PPP6R2: variants seen among roughly 807,000 people sequenced by gnomAD.
The protein encoded by PPP6R2 is protein phosphatase 6 regulatory subunit 2.
In PPP6R2, 62 loss-of-function variants were observed where a neutral mutation model predicts 100.2. The observed-to-expected ratio is 0.62, with a 90% CI of 0.50 to 0.76. The LOEUF is 0.76. Among genes scored for constraint, PPP6R2 ranks in the 30% least tolerant of loss-of-function variants. The pLI is 0.00. For synonymous variants in PPP6R2, 525 were observed against 514.7 expected, an observed-to-expected ratio of 1.02 and a Z score of -0.27; for missense variants, 1,142 against 1,276.3, an observed-to-expected ratio of 0.89 and a Z score of 1.60.
intron 2 of PPP6R2, among the ~76,000 whole-genome samples, chr22:50,392,407 C>T (rs2055809084): frequency 6.6e-6 from 1 of 152,064 alleles, no homozygotes; most frequent in African/African-American, 2.4e-5. Context: ...TATATGGAGT[C>T]CCTTGTGCTG....
At chr22:50,416,410 C>T (rs2147569152) in intron 6 of PPP6R2, among the ~76,000 whole-genome samples, 1 of 151,632 alleles carries the variant, frequency 6.6e-6, no homozygotes, top group South Asian at 2.1e-4. Context: ...CTCACCACAA[C>T]CTCCGCCTCT....
intron 7 of PPP6R2, 36 bp from the exon 8 acceptor site, chr22:50,419,313 C>T (rs2147695914): frequency 6.4e-7 from 1 of 1,562,232 alleles, no homozygotes; most frequent in Non-Finnish European, 8.8e-7. Context: ...TGTGTGTCTG[C>T]TCTGCCAGGC....
the PPP6R2 span, among the ~76,000 whole-genome samples, chr22:50,337,911 AGT>A: frequency 3.7e-4 from 23 of 61,760 alleles, no homozygotes; most frequent in East Asian, 1.1e-3. Context: ...TGTGTGGTGT[AGT>A]GTGTGTGGTG....
intron 1 of PPP6R2, among the ~76,000 whole-genome samples, chr22:50,367,208 C>T (rs542634841): frequency 5.9e-5 from 9 of 151,924 alleles, no homozygotes; most frequent in South Asian, 4.2e-4. Flanking sequence ...GAGCGGGGGA[C>T]GCCTGGATAG....
At chr22:50,386,432 C>T (rs1325791907) in intron 2 of PPP6R2, among the ~76,000 whole-genome samples, 3 of 152,170 alleles carry the variant, frequency 2.0e-5, no homozygotes, top group Admixed American at 6.6e-5. Context: ...TGAGCCACTA[C>T]GCCCGGCCTT....
chr22:50,410,115 A>G (rs952096143), intron 4 of PPP6R2, among the ~76,000 whole-genome samples: 2 of 152,014 alleles, frequency 1.3e-5, no homozygotes, highest in African/African-American at 4.8e-5. Context: ...AGCAAATTTT[A>G]GAATGAGTTT....
intron 1 of PPP6R2, among the ~76,000 whole-genome samples, chr22:50,350,918 G>A (rs2044967269): frequency 6.6e-6 from 1 of 150,780 alleles, no homozygotes; most frequent in African/African-American, 2.4e-5. Context: ...GACAACATTA[G>A]TCTCCTTGTA....
chr22:50,426,342 G>C (rs1043865779), intron 10 of PPP6R2, among the ~76,000 whole-genome samples: 1 of 152,038 alleles, frequency 6.6e-6, no homozygotes, highest in African/African-American at 2.4e-5. Flanking sequence ...CTGTGCTTTC[G>C]GTGTCATATC....
At chr22:50,424,538 G>A (rs539524027) in intron 10 of PPP6R2, among the ~76,000 whole-genome samples, 6 of 151,596 alleles carry the variant, frequency 4.0e-5, no homozygotes, top group Admixed American at 1.3e-4. Context: ...GTCTGTCAGC[G>A]TGTATGAGTT....
intron 1 of PPP6R2, among the ~76,000 whole-genome samples, chr22:50,365,995 A>G (rs1169784666): frequency 6.6e-6 from 1 of 152,020 alleles, no homozygotes. Context: ...CATGCCTAGA[A>G]CTTTTTGATC....
intron 2 of PPP6R2, among the ~76,000 whole-genome samples, chr22:50,385,562 C>T (rs1340587984): frequency 2.0e-5 from 3 of 148,698 alleles, no homozygotes; most frequent in Non-Finnish European, 3.0e-5. Flanking sequence ...ATCCCCTAGG[C>T]TGGAGTGCAA....
chr22:50,414,208 G>A (rs899011056), intron 4 of PPP6R2, among the ~76,000 whole-genome samples: 1 of 151,674 alleles, frequency 6.6e-6, no homozygotes, highest in Admixed American at 6.6e-5. Context: ...TATACCATTC[G>A]TTTCTGTTGG....
At chr22:50,387,287 A>C (rs2054449855) in intron 2 of PPP6R2, among the ~76,000 whole-genome samples, 1 of 150,972 alleles carries the variant, frequency 6.6e-6, no homozygotes, top group South Asian at 2.1e-4. Flanking sequence ...CTTGTCTTGA[A>C]CTCTGGGCTC....
chr22:50,441,271 C>G (rs2065537735), intron 22 of PPP6R2, among the ~76,000 whole-genome samples: 1 of 152,194 alleles, frequency 6.6e-6, no homozygotes, highest in Non-Finnish European at 1.5e-5. Context: ...ATCGTGTTCT[C>G]TGTTGTGAGT....
rs1473219303 is a variant in PPP6R2, at chr22:50,438,562, C to G, written c.1965-37C>G. The stretch of plus-strand genomic sequence containing the variant: ...TGACCCTCCATGTTAGGCGTCCGTC[C>G]TGGGCCACCAGACATCTGACTCTGA... On this transcript the variant is annotated intron_variant, in intron 18 of 23. Transcript: ENST00000612753. The G allele has an allele frequency of 6.8e-6, 11 of 1,609,804 alleles. No homozygotes were observed. In the African/African-American group the frequency reaches 1.5e-4, roughly 22 times the overall value.
rs75808526 is a variant in PPP6R2 at position 50,431,961 on chromosome 22, C to T, written c.1336-304C>T. On this transcript the variant is annotated intron_variant, in intron 11 of 23. Transcript: ENST00000612753. The surrounding 1 kb of genome is among the most constrained non-coding windows in gnomAD (Gnocchi z 4.8). ...GCCAAAGTGGAGGGCAATGGAGAGA[C>T]GGGGAGAAGGCCCAGGGGAAGACAG... 2.0e-4 allele frequency among the ~76,000 whole-genome samples: 31 copies of T among 152,088 alleles called. No individual in the cohort carries two copies. In the East Asian group the frequency reaches 4.1e-3, roughly 20 times the overall value.
intron 15 of PPP6R2, 39 bp from the exon 16 acceptor site, chr22:50,437,467 C>A: frequency 7.8e-7 from 1 of 1,277,172 alleles, no homozygotes; most frequent in East Asian, 2.3e-5. Context: ...CCTCCATGAC[C>A]GGTGTCTGTC....
At chr22:50,336,280 G>C in the PPP6R2 span, among the ~76,000 whole-genome samples, 1 of 152,138 alleles carries the variant, frequency 6.6e-6, no homozygotes, top group Non-Finnish European at 1.5e-5. Flanking sequence ...GAGTCACCGC[G>C]TCCAGCCTGA....
At chr22:50,388,849 G>A (rs939417518) in intron 2 of PPP6R2, 1 of 151,222 alleles carries the variant, frequency 6.6e-6, no homozygotes, top group African/African-American at 2.4e-5. Context: ...TCCAGCGTGG[G>A]GACAGAGTGA....
Sources: gnomAD v4.1 joint callset for allele counts (sites outside exome capture counted in the v4.1 genomes callset) on GRCh38, gnomAD v4.1.1 for gene constraint, Gnocchi (gnomAD v3.1) non-coding constraint, MANE v1.5 for transcripts, NCBI Gene and HGNC (gene_info 2026-07-23, HGNC 2026-07-21) for gene names.